The following PARD3 variants were observed in gnomAD, a reference collection of about 807,000 sequenced individuals.
PARD3 encodes partitioning defective 3 homolog.
In PARD3, 75 loss-of-function variants were observed where a neutral mutation model predicts 155.4. The ratio of observed to expected loss-of-function variants is 0.48; its 90% CI spans 0.40 to 0.58. The LOEUF (loss-of-function observed/expected upper bound fraction) is 0.58, where lower values mean the gene tolerates loss of function less well. Among genes scored for constraint, PARD3 ranks in the 20% least tolerant of loss-of-function variants. The pLI, the probability that PARD3 is intolerant of heterozygous loss-of-function variation, is 0.00. For synonymous variants in PARD3, 576 were observed against 610.5 expected (o/e 0.94, Z 0.83); for missense variants, 1,642 against 1,721.7 (o/e 0.95, Z 0.82).
At chr10:34,458,915 G>A (rs771425995) in intron 4 of PARD3, among the ~76,000 whole-genome samples, 26 of 152,026 alleles carry the variant, frequency 1.7e-4, no homozygotes, top group Non-Finnish European at 3.2e-4. Flanking sequence ...TGGAGAACAC[G>A]GGACCACCAT....
intron 3 of PARD3, among the ~76,000 whole-genome samples, chr10:34,493,988 T>C (rs1405951488): frequency 6.6e-6 from 1 of 152,162 alleles, no homozygotes; most frequent in East Asian, 1.9e-4. Context: ...ATAATACTCA[T>C]ATTTACACCA....
intron 4 of PARD3, among the ~76,000 whole-genome samples, chr10:34,460,571 C>A (rs1403531368): frequency 1.3e-5 from 2 of 152,164 alleles, no homozygotes; most frequent in African/African-American, 4.8e-5. Context: ...CGGGGGCTCA[C>A]ACCTGTAATC....
intron 2 of PARD3, among the ~76,000 whole-genome samples, chr10:34,661,631 G>A (rs1409655571): frequency 2.0e-5 from 3 of 152,214 alleles, no homozygotes; most frequent in Non-Finnish European, 4.4e-5. Context: ...AAGCAAGAAT[G>A]AACATGACCT....
chr10:34,600,033 A>T (rs2132487899), intron 2 of PARD3, among the ~76,000 whole-genome samples: 1 of 152,152 alleles, frequency 6.6e-6, no homozygotes, highest in East Asian at 1.9e-4. Flanking sequence ...GCGGAACAAG[A>T]AATAAAAAAG....
intron 5 of PARD3, among the ~76,000 whole-genome samples, chr10:34,432,573 A>G (rs2076001872): frequency 6.6e-6 from 1 of 152,194 alleles, no homozygotes; most frequent in African/African-American, 2.4e-5. Flanking sequence ...TCACAGGGGT[A>G]AGGTAATTCT....
intron 1 of PARD3, among the ~76,000 whole-genome samples, chr10:34,755,896 G>C (rs1017913924): frequency 3.9e-5 from 6 of 152,056 alleles, no homozygotes; most frequent in African/African-American, 1.2e-4. Context: ...TGCTTCAAAG[G>C]CCACCATATC....
intron 2 of PARD3, among the ~76,000 whole-genome samples, chr10:34,684,824 CACACACAT>C (rs879501357): frequency 0.025 from 2,564 of 102,424 alleles, 44 homozygotes; most frequent in African/African-American, 0.054. Flanking sequence ...CACACACACA[CACACACAT>C]ATATACACAC....
At chr10:34,356,011 G>T (rs528541396) in intron 14 of PARD3, among the ~76,000 whole-genome samples, 2 of 149,146 alleles carry the variant, frequency 1.3e-5, no homozygotes, top group Non-Finnish European at 3.0e-5. Context: ...CAGGAATAAT[G>T]AAAGAACAGG....
intron 22 of PARD3, among the ~76,000 whole-genome samples, chr10:34,209,000 T>C (rs1445424826): frequency 6.6e-6 from 1 of 152,234 alleles, no homozygotes; most frequent in Non-Finnish European, 1.5e-5. Context: ...AGATACATTA[T>C]GGTGAAAAGA....
intron 22 of PARD3, among the ~76,000 whole-genome samples, chr10:34,232,758 T>C (rs1222786835): frequency 2.0e-5 from 3 of 152,096 alleles, no homozygotes; most frequent in Admixed American, 2.0e-4. Flanking sequence ...GGGAGTGCAA[T>C]GGTGTGATCA....
intron 23 of PARD3, among the ~76,000 whole-genome samples, chr10:34,125,990 C>T (rs1947269138): frequency 6.6e-6 from 1 of 152,348 alleles, no homozygotes; most frequent in South Asian, 2.1e-4. Flanking sequence ...AAAAGCAACA[C>T]TAAGTCCTGT....
intron 22 of PARD3, among the ~76,000 whole-genome samples, chr10:34,158,405 C>T (rs1949115865): frequency 6.6e-6 from 1 of 152,176 alleles, no homozygotes; most frequent in Admixed American, 6.5e-5. Context: ...TGGATAGCTT[C>T]TGTGTGTTTG....
At chr10:34,764,060 C>G (rs1248353845) in intron 1 of PARD3, among the ~76,000 whole-genome samples, 2 of 152,198 alleles carry the variant, frequency 1.3e-5, no homozygotes, top group Non-Finnish European at 2.9e-5. Flanking sequence ...CGTGGGACTG[C>G]TCATACCTGG....
intron 21 of PARD3, among the ~76,000 whole-genome samples, chr10:34,275,233 T>C (rs1955819065): frequency 6.6e-6 from 1 of 152,222 alleles, no homozygotes; most frequent in South Asian, 2.1e-4. Context: ...TATCTTGTCA[T>C]CACCAATAAT....
chr10:34,145,216 TA>T lies in PARD3; in HGVS notation c.3420-13634del, dbSNP rs1564429967. Among the ~76,000 whole-genome samples, 491 of 79,034 alleles carry T rather than the reference TA, an allele frequency of 6.2e-3. 2 individuals are homozygous for T. The highest frequency in any genetic ancestry group is 0.023 in the East Asian group (73 of 3,148). 51.8% of individuals were successfully genotyped at this position (79,034 alleles called of 152,430 possible). ...ATATATATATATATATATATATATA[TA>T]TATATTTTTTTTTTTTTTTTTTTTA... On this transcript the variant is annotated intron_variant, in intron 22 of 24. Transcript: ENST00000374788.
intron 1 of PARD3, among the ~76,000 whole-genome samples, chr10:34,810,378 A>G (rs1278935198): frequency 1.3e-5 from 2 of 152,164 alleles, no homozygotes; most frequent in African/African-American, 4.8e-5. Context: ...AGAAAAATCC[A>G]AAATACTTGT....
At chr10:34,579,741 T>C (rs1259904937) in intron 2 of PARD3, among the ~76,000 whole-genome samples, 4 of 151,728 alleles carry the variant, frequency 2.6e-5, no homozygotes, top group Non-Finnish European at 4.4e-5. Flanking sequence ...CCACCACGCC[T>C]GGCTAATTGT....
intron 1 of PARD3, among the ~76,000 whole-genome samples, chr10:34,724,957 A>C (rs777835739): frequency 1.3e-5 from 2 of 152,220 alleles, no homozygotes; most frequent in Non-Finnish European, 2.9e-5. Context: ...CAGTACAAGC[A>C]ATGGAGCCTA....
chr10:34,805,100 G>A (rs1216531060), intron 1 of PARD3, among the ~76,000 whole-genome samples: 4 of 152,244 alleles, frequency 2.6e-5, no homozygotes, highest in African/African-American at 7.2e-5. Flanking sequence ...GCTCACGCCT[G>A]TAATCCCAGC....
Sources: gnomAD v4.1 joint callset for allele counts (sites outside exome capture counted in the v4.1 genomes callset) on GRCh38, gnomAD v4.1.1 for gene constraint, MANE v1.5 for transcripts, NCBI Gene and HGNC (gene_info 2026-07-23, HGNC 2026-07-21) for gene names.